Variants in PTPRN2 observed in about 807,000 individuals in gnomAD.
PTPRN2 encodes receptor-type tyrosine-protein phosphatase N2.
A neutral mutation model predicts 118.8 loss-of-function variants in PTPRN2; 74 were observed. The ratio of observed to expected loss-of-function variants is 0.62; its 90% CI spans 0.52 to 0.76. PTPRN2 has a LOEUF of 0.76. Ranked by LOEUF, PTPRN2 falls within the 30% of genes least tolerant of loss-of-function variation. PTPRN2 has a pLI of 0.00. For missense variants in PTPRN2, 1,481 were observed against 1,394.4 expected, an observed-to-expected ratio of 1.06 and a Z score of -0.99; for synonymous variants, 641 against 608.0, an observed-to-expected ratio of 1.05 and a Z score of -0.80.
At chr7:157,895,218 A>ACGAGACCATAAAATAAGCCAGAGGG (rs1797041626) in intron 12 of PTPRN2, among the ~76,000 whole-genome samples, 1 of 151,100 alleles carries the variant, frequency 6.6e-6, no homozygotes, top group South Asian at 2.1e-4. Context: ...AAGCCAGAGG[A>ACGAGACCATAAAATAAGCCAGAGGG]TCTGGACGAA....
chr7:158,016,513 C>T lies in PTPRN2; in HGVS notation c.1723+64785G>A, dbSNP rs577137554. 2.0e-5 allele frequency among the ~76,000 whole-genome samples: 3 copies of T among 152,314 alleles called. No homozygotes were observed. The East Asian group carries it at 5.8e-4, about 29-fold the overall frequency. ...CATTAGAGATGGATCCCAATAAATA[C>T]ACACACACCCATCAGATTAGCAGAC... On this transcript the variant is annotated intron_variant, in intron 11 of 22. Transcript: ENST00000389418.
chr7:158,056,191 G>A (rs572651450), intron 11 of PTPRN2, among the ~76,000 whole-genome samples: 23 of 152,266 alleles, frequency 1.5e-4, no homozygotes, highest in Admixed American at 7.2e-4. Context: ...TGCTAATCTC[G>A]CCTGAAAGGT....
intron 2 of PTPRN2, among the ~76,000 whole-genome samples, chr7:158,472,195 T>C (rs528435264): frequency 3.2e-4 from 49 of 152,270 alleles, no homozygotes; most frequent in African/African-American, 1.1e-3. Flanking sequence ...CAGTAGCAAA[T>C]CTAGAACCTG....
At chr7:158,270,284 G>T (rs954442070) in intron 3 of PTPRN2, among the ~76,000 whole-genome samples, 3 of 152,258 alleles carry the variant, frequency 2.0e-5, no homozygotes, top group Non-Finnish European at 4.4e-5. Context: ...ATGGCCAGAA[G>T]GCAGAAGGGC....
At chr7:157,788,182 C>T (rs1010644944) in intron 12 of PTPRN2, among the ~76,000 whole-genome samples, 4 of 151,956 alleles carry the variant, frequency 2.6e-5, no homozygotes, top group Admixed American at 6.5e-5. Flanking sequence ...GAGATCATCC[C>T]GGCTAACATG....
intron 3 of PTPRN2, among the ~76,000 whole-genome samples, chr7:158,315,785 T>C (rs143005884): frequency 6.6e-6 from 1 of 152,332 alleles, no homozygotes; most frequent in East Asian, 1.9e-4. Flanking sequence ...GTCTATGAAG[T>C]GGTATGAAGT....
intron 2 of PTPRN2, among the ~76,000 whole-genome samples, chr7:158,341,390 C>A (rs1806745152): frequency 1.3e-5 from 2 of 150,912 alleles, no homozygotes; most frequent in Admixed American, 1.3e-4. Context: ...CCCACACTCT[C>A]ACCATAAGAG....
At chr7:158,476,878 T>C (rs1055702475) in intron 2 of PTPRN2, among the ~76,000 whole-genome samples, 1 of 152,172 alleles carries the variant, frequency 6.6e-6, no homozygotes, top group Non-Finnish European at 1.5e-5. Context: ...TTCAGAGCCA[T>C]TGGGTGGGGT....
chr7:158,414,770 G>A (rs1814513402), intron 2 of PTPRN2, among the ~76,000 whole-genome samples: 1 of 152,226 alleles, frequency 6.6e-6, no homozygotes, highest in Non-Finnish European at 1.5e-5. Context: ...TGAAAGTGGG[G>A]GAGGGGCATC....
At chr7:157,743,324 C>T (rs1341584485) in intron 12 of PTPRN2, among the ~76,000 whole-genome samples, 11 of 152,156 alleles carry the variant, frequency 7.2e-5, no homozygotes, top group African/African-American at 2.7e-4. Flanking sequence ...TGCCTGAATC[C>T]TCCTGGCTAA....
At chr7:157,737,357 C>A (rs893666365) in intron 12 of PTPRN2, among the ~76,000 whole-genome samples, 25 of 152,246 alleles carry the variant, frequency 1.6e-4, no homozygotes, top group African/African-American at 5.1e-4. Context: ...TGAGCCTCAG[C>A]ACGACCTCAA....
At chr7:158,407,829 G>A (rs1338022028) in intron 2 of PTPRN2, among the ~76,000 whole-genome samples, 1 of 152,254 alleles carries the variant, frequency 6.6e-6, no homozygotes, top group Non-Finnish European at 1.5e-5. Context: ...GCCGTGCTCA[G>A]TGGAGGGACC....
At chr7:157,791,390 G>A (rs1804481683) in intron 12 of PTPRN2, among the ~76,000 whole-genome samples, 1 of 152,248 alleles carries the variant, frequency 6.6e-6, no homozygotes, top group South Asian at 2.1e-4. Flanking sequence ...CGTGCCTGGC[G>A]TGTTTTACGT....
chr7:158,585,889 G>A (rs1296257429), intron 1 of PTPRN2, among the ~76,000 whole-genome samples: 2 of 152,230 alleles, frequency 1.3e-5, no homozygotes, highest in South Asian at 2.1e-4. Flanking sequence ...TGACTGGCCA[G>A]GTCAAGCCAG....
In PTPRN2 at chr7:158,085,845, C is replaced by T. The variant is rs111588088; in HGVS notation, c.1644-4468G>A. 2.3e-3 allele frequency among the ~76,000 whole-genome samples: 333 copies of T among 145,112 alleles called. 2 individuals carry two copies. The highest frequency in any genetic ancestry group is 8.1e-3 in the African/African-American group (314 of 38,818). On this transcript the variant is annotated intron_variant, in intron 10 of 22. Coordinates refer to ENST00000389418, the MANE Select transcript of PTPRN2 (RefSeq NM_002847.5). Reference sequence around the variant, plus strand: ...ACGATGCCCATCCACACCCATGACGCCCATCCACACCCACGACGCCCATCC... The same window carrying T: ...ACGATGCCCATCCACACCCATGACGTCCATCCACACCCACGACGCCCATCC...
In PTPRN2 at chr7:157,596,552, G is replaced by A. The variant is rs1801350952; in HGVS notation, c.2419-1237C>T. Among the ~76,000 whole-genome samples the A allele has an allele frequency of 6.6e-6, 1 of 152,200 alleles. No individual in the cohort carries two copies. Among genetic ancestry groups the A allele is most frequent in the Non-Finnish European group, 1.5e-5 (1 of 68,044 alleles). On this transcript the variant is annotated intron_variant, in intron 16 of 22. Coordinates refer to ENST00000389418, the MANE Select transcript of PTPRN2 (RefSeq NM_002847.5). The surrounding 1 kb of genome is among the most constrained non-coding windows in gnomAD (Gnocchi z 4.2). ...CGAGATTTGAGCACATTGCTGAGGG[G>A]CGTCAGATGGAGGTGGTTCTGTCTT...
chr7:157,768,170 C>T (rs895839395), intron 12 of PTPRN2, among the ~76,000 whole-genome samples: 2 of 152,342 alleles, frequency 1.3e-5, no homozygotes, highest in Admixed American at 6.5e-5. Context: ...ATTTCACTAA[C>T]AAGACTGCAA....
At chr7:158,378,034 T>C (rs1810683125) in intron 2 of PTPRN2, among the ~76,000 whole-genome samples, 1 of 152,188 alleles carries the variant, frequency 6.6e-6, no homozygotes, top group African/African-American at 2.4e-5. Flanking sequence ...ATGCCAGCTG[T>C]GGGTTTTCCA....
At chr7:157,786,242 G>A (rs189960244) in intron 12 of PTPRN2, among the ~76,000 whole-genome samples, 7 of 152,332 alleles carry the variant, frequency 4.6e-5, no homozygotes, top group East Asian at 1.9e-4. Context: ...CACAGGTACC[G>A]TTCACGTATC....
Sources: gnomAD v4.1 joint callset for allele counts (sites outside exome capture counted in the v4.1 genomes callset) on GRCh38, gnomAD v4.1.1 for gene constraint, Gnocchi (gnomAD v3.1) non-coding constraint, MANE v1.5 for transcripts, NCBI Gene and HGNC (gene_info 2026-07-23, HGNC 2026-07-21) for gene names.